LOXHD1: variants seen among roughly 807,000 people sequenced by gnomAD.
LOXHD1 encodes the protein lipoxygenase homology PLAT domains 1.
In LOXHD1, 205 loss-of-function variants were observed where a neutral mutation model predicts 248.2. The ratio of observed to expected loss-of-function variants is 0.83; its 90% confidence interval spans 0.74 to 0.93. The LOEUF is 0.93. Ranked by LOEUF, LOXHD1 falls within the 40% of genes least tolerant of loss-of-function variation. The pLI, the probability that LOXHD1 is intolerant of heterozygous loss-of-function variation, is 0.00. For missense variants in LOXHD1, 2,930 were observed against 2,971.6 expected (o/e 0.99, Z 0.33); for synonymous variants, 1,113 against 1,162.8 (o/e 0.96, Z 0.87).
At chr18:46,543,708 T>A (rs184082766) in intron 23 of LOXHD1, among the ~76,000 whole-genome samples, 8 of 152,306 alleles carry the variant, frequency 5.3e-5, no homozygotes, top group African/African-American at 1.7e-4. Context: ...GGGTGTGCAT[T>A]TTTATTTCCA....
At chr18:46,619,310 A>C (rs2038635201) in intron 4 of LOXHD1, among the ~76,000 whole-genome samples, 1 of 152,134 alleles carries the variant, frequency 6.6e-6, no homozygotes, top group Non-Finnish European at 1.5e-5. Flanking sequence ...CCCTCTGCCC[A>C]CCTGTTCCCT....
chr18:46,538,352 C>T lies in LOXHD1; in HGVS notation c.3914-15G>A. ...GTAAGGAACAACTGAGGGTGGTGGT[C>T]AGAGGGCAAAGCCAGAGTGGATGAG... On this transcript the variant is annotated splice_polypyrimidine_tract_variant and intron_variant, in intron 25 of 40. Transcript: ENST00000642948. 6.5e-7 allele frequency: 1 copy of T among 1,540,306 alleles called. No homozygotes were observed. The highest frequency in any genetic ancestry group is 1.4e-5 in the African/African-American group (1 of 72,984).
intron 19 of LOXHD1, 35 bp downstream of exon 19, chr18:46,560,048 T>TCCCGGGC: frequency 8.2e-7 from 1 of 1,226,294 alleles, no homozygotes; most frequent in Non-Finnish European, 1.1e-6. Flanking sequence ...GTCTGGCCAC[T>TCCCGGGC]CCCTCCCCAC....
At chr18:46,634,161 A>G (rs2144363548) in intron 4 of LOXHD1, among the ~76,000 whole-genome samples, 1 of 152,346 alleles carries the variant, frequency 6.6e-6, no homozygotes, top group African/African-American at 2.4e-5. Flanking sequence ...CACAATAGCT[A>G]AAAGGTGGAA....
chr18:46,537,364 T>C (rs1361029914), intron 26 of LOXHD1, among the ~76,000 whole-genome samples: 1 of 152,206 alleles, frequency 6.6e-6, no homozygotes, highest in Non-Finnish European at 1.5e-5. Flanking sequence ...ACAGAGTTTT[T>C]ATGATAATTA....
rs765365962 is a variant in LOXHD1, at chr18:46,524,647, C to G, written c.4741-46G>C. 9.0e-6 allele frequency: 14 copies of G among 1,551,280 alleles called. No homozygotes were observed. The South Asian group carries it at 1.7e-4, about 18-fold the overall frequency. ...GGCAGTTGCAGCTCCAGCACCTCCA[C>G]CTCGAGGGACCTCCCCTAGGCATGA... On this transcript the variant is annotated intron_variant, in intron 30 of 40. Transcript: ENST00000642948.
At chr18:46,551,482 T>G (rs2037103808) in intron 21 of LOXHD1, among the ~76,000 whole-genome samples, 1 of 152,136 alleles carries the variant, frequency 6.6e-6, no homozygotes, top group Non-Finnish European at 1.5e-5. Context: ...TTGCCTAAGA[T>G]GGTGCCAACC....
chr18:46,502,733 C>G (rs558748589), intron 37 of LOXHD1, among the ~76,000 whole-genome samples: 1 of 152,174 alleles, frequency 6.6e-6, no homozygotes, highest in South Asian at 2.1e-4. Context: ...ATTCTCCACT[C>G]TCACCCCTCA....
chr18:46,536,028 T>C (rs1433768517), intron 26 of LOXHD1, among the ~76,000 whole-genome samples: 2 of 152,226 alleles, frequency 1.3e-5, no homozygotes, highest in Non-Finnish European at 2.9e-5. Flanking sequence ...TCTCTGGAAC[T>C]GAACTTCTTG....
At chr18:46,501,378 G>T (rs1475429458) in intron 37 of LOXHD1, among the ~76,000 whole-genome samples, 1 of 152,098 alleles carries the variant, frequency 6.6e-6, no homozygotes, top group Non-Finnish European at 1.5e-5. Flanking sequence ...ACATTTTTGT[G>T]CTATTTGTTA....
intron 37 of LOXHD1, among the ~76,000 whole-genome samples, chr18:46,493,448 G>A (rs887930482): frequency 3.3e-5 from 5 of 152,302 alleles, no homozygotes; most frequent in Non-Finnish European, 5.9e-5. Flanking sequence ...GAGAACAGGA[G>A]CCTTTTGTAA....
intron 2 of LOXHD1, among the ~76,000 whole-genome samples, chr18:46,648,332 A>G (rs970076173): frequency 1.3e-5 from 2 of 152,188 alleles, no homozygotes; most frequent in African/African-American, 4.8e-5. Context: ...GACGAGCTTC[A>G]CCATTGAAAA....
At chr18:46,555,349 A>G (rs1474529174) in intron 21 of LOXHD1, 3 of 362,220 alleles carry the variant, frequency 8.3e-6, no homozygotes, top group African/African-American at 2.1e-5. Flanking sequence ...CAGAGGTCAG[A>G]CTCCAGGTCA....
At chr18:46,618,119 C>T (rs1425089534) in intron 5 of LOXHD1, 73 bp downstream of exon 5, 1 of 1,144,696 alleles carries the variant, frequency 8.7e-7, no homozygotes, top group East Asian at 2.6e-5. Context: ...CTTCCTCTGC[C>T]AGGATTGTGG....
intron 26 of LOXHD1, among the ~76,000 whole-genome samples, chr18:46,535,576 CTGTTTTTGTTGT>C (rs894995599): frequency 7.4e-6 from 1 of 135,590 alleles, no homozygotes; most frequent in Non-Finnish European, 1.6e-5. Context: ...ATGGCTGCCT[CTGTTTTTGTTGT>C]TGTTGTTGTT....
intron 22 of LOXHD1, 107 bp downstream of exon 22, chr18:46,546,788 G>A (rs1436820015): frequency 7.8e-6 from 10 of 1,287,710 alleles, no homozygotes; most frequent in Non-Finnish European, 1.1e-5. Context: ...GTCAAGGGAG[G>A]AAGTTCCCAG....
At chr18:46,611,620 C>G (rs1369764971) in intron 5 of LOXHD1, among the ~76,000 whole-genome samples, 1 of 152,024 alleles carries the variant, frequency 6.6e-6, no homozygotes, top group South Asian at 2.1e-4. Context: ...ATCCTGTGTT[C>G]TTTCTTTTTA....
chr18:46,488,959 C>T lies in LOXHD1; in HGVS notation c.6049+13G>A. 13 of 1,546,572 alleles carry T rather than the reference C, an allele frequency of 8.4e-6. No individual in the cohort carries two copies. Among genetic ancestry groups the T allele is most frequent in the Non-Finnish European group, 1.1e-5 (13 of 1,142,570 alleles). On this transcript the variant is annotated intron_variant, in intron 38 of 40. Coordinates refer to ENST00000642948, the MANE Select transcript of LOXHD1 (RefSeq NM_001384474.1). ...CCTGCCTCCCTCCTGAGCCAATGAT[C>T]TCCCCCACATACTGGTCTCTTCCAG... is the stretch of plus-strand genomic sequence containing the variant.
At chr18:46,555,730 C>T (rs1485916124) in intron 21 of LOXHD1, among the ~76,000 whole-genome samples, 1 of 152,082 alleles carries the variant, frequency 6.6e-6, no homozygotes, top group African/African-American at 2.4e-5. Context: ...CCCTTGGGCC[C>T]CTTACACCCA....
Sources: allele counts gnomAD v4.1 joint callset (sites outside exome capture counted in the v4.1 genomes callset), GRCh38; gene constraint gnomAD v4.1.1; transcripts MANE v1.5; gene names NCBI Gene and HGNC (gene_info 2026-07-23, HGNC 2026-07-21).